Variants in MATN1 observed in about 807,000 individuals in gnomAD.
MATN1 encodes matrilin-1.
Under a neutral mutation model 41.3 loss-of-function variants are expected in MATN1, and 34 were observed. The ratio of observed to expected loss-of-function variants is 0.82; its 90% confidence interval spans 0.63 to 1.10. The LOEUF (loss-of-function observed/expected upper bound fraction) is 1.10. Among genes scored for constraint, MATN1 ranks in the 50% least tolerant of loss-of-function variants. The pLI is 0.00. For synonymous variants in MATN1, 264 were observed against 278.7 expected (o/e 0.95, Z 0.53); for missense variants, 602 against 662.4 (o/e 0.91, Z 1.00).
At chr1:30,715,422 G>T (rs768467855) in intron 5 of MATN1, 113 bp from the exon 6 acceptor site, 10 of 957,074 alleles carry the variant, frequency 1.0e-5, no homozygotes, top group East Asian at 2.5e-5. Flanking sequence ...GCTGGCAGCT[G>T]CTGGAATTGC....
At chr1:30,718,698 GC>G in intron 3 of MATN1, 36 bp downstream of exon 3, 1 of 1,166,352 alleles carries the variant, frequency 8.6e-7, no homozygotes, top group South Asian at 1.4e-5. Flanking sequence ...CCCCTTCTCC[GC>G]CCCTGCCCTG....
At chr1:30,719,530 A>C (rs539940852) in intron 2 of MATN1, 1 of 153,568 alleles carries the variant, frequency 6.5e-6, no homozygotes, top group South Asian at 2.0e-4. Context: ...GGACCAACCC[A>C]AGAAAGATGC....
At chr1:30,713,993 C>T (rs542338242) in intron 7 of MATN1, 1 of 587,086 alleles carries the variant, frequency 1.7e-6, no homozygotes, top group East Asian at 2.8e-5. Flanking sequence ...CAGAGCATGT[C>T]CAGGACTCTG....
Position 30,715,199 on chromosome 1 carries a change from T to C in MATN1, c.1318A>G (p.Ile440Val), listed in dbSNP as rs781387487. 1 of 1,614,242 alleles carries C rather than the reference T, an allele frequency of 6.2e-7. No homozygotes were observed. Among genetic ancestry groups the C allele is most frequent in the Admixed American group, 1.7e-5 (1 of 60,030 alleles). The change falls in exon 6 of 8, where the codon ATC becomes GTC. Residue 440 changes from isoleucine (I) to valine (V), a missense_variant. Coordinates refer to ENST00000373765, the MANE Select transcript of MATN1 (RefSeq NM_002379.3). Reference protein sequence around the residue: ...HYFYTADFKTINQIGKKLQKK... With the variant: ...HYFYTADFKTVNQIGKKLQKK... ...TGCAACTTCTTGCCTATCTGGTTGATGGTCTTGAAGTCAGCCGTGTAGAAG... is the reference window on the plus strand; with the variant it reads ...TGCAACTTCTTGCCTATCTGGTTGACGGTCTTGAAGTCAGCCGTGTAGAAG...
At position 30,715,828 on chromosome 1, in the gene MATN1, C is replaced by T. The variant is rs552973516; in HGVS notation, c.1207+81G>A. ...GTTTAGGGCACTAATCAGACGACAC[C>T]AAGATAAACTACAGTTGGGCTATAC... On this transcript the variant is annotated intron_variant, in intron 5 of 7. Coordinates refer to ENST00000373765, the MANE Select transcript of MATN1 (RefSeq NM_002379.3). The T allele has an allele frequency of 1.5e-5, 22 of 1,437,678 alleles. No individual in the cohort carries two copies. The South Asian group carries it at 2.7e-4, about 17-fold the overall frequency. The allele number at this position is 1,437,678 out of a possible 1,614,324, so 89.1% of individuals were successfully genotyped here. A position where few individuals can be genotyped will look rare whatever the true frequency, so the allele number is the denominator to read the frequency against.
intron 3 of MATN1, 86 bp downstream of exon 3, chr1:30,718,649 T>G: frequency 1.5e-6 from 1 of 677,932 alleles, no homozygotes. Flanking sequence ...CGCCTCAGCC[T>G]CGGTCCCGCC....
At chr1:30,723,383 T>G in intron 1 of MATN1, 75 bp downstream of exon 1, 1 of 1,163,814 alleles carries the variant, frequency 8.6e-7, no homozygotes, top group Non-Finnish European at 1.2e-6. Flanking sequence ...CCCTGCCATA[T>G]CGGTACCCAG....
chr1:30,721,783 A>C (rs1639699434), intron 1 of MATN1, 32 bp from the exon 2 acceptor site: 1 of 1,563,112 alleles, frequency 6.4e-7, no homozygotes, highest in East Asian at 2.2e-5. Flanking sequence ...TAAGGCAGAG[A>C]GCAGAGACAC....
chr1:30,721,258 G>A, intron 2 of MATN1, 147 bp downstream of exon 2: 1 of 783,998 alleles, frequency 1.3e-6, no homozygotes, highest in Non-Finnish European at 2.1e-6. Flanking sequence ...TCTGTCTAAT[G>A]ACCGCCCCTC....
rs1275870973 is a variant in MATN1, at chr1:30,723,506, G to A, written c.46C>T (p.Leu16=). ...GTSLMLCSLL[L]LLQALCSPGL... is the part of the protein sequence containing the mutation. ...GGGCTGCACAGGGCCTGGAGCAGCA[G>A]CAGCAGGCTGCAGAGCATGAGGCTA... The change falls in exon 1 of 8, where the codon CTG becomes TTG. Residue 16 remains leucine (L), a synonymous_variant. Coordinates refer to ENST00000373765, the MANE Select transcript of MATN1 (RefSeq NM_002379.3). The A allele has an allele frequency of 3.9e-6, 6 of 1,534,420 alleles. No individual in the cohort carries two copies. Among genetic ancestry groups the A allele is most frequent in the Non-Finnish European group, 4.4e-6 (5 of 1,139,966 alleles).
Position 30,715,055 on chromosome 1 carries a change from T to C in MATN1, c.1360+102A>G, listed in dbSNP as rs991954151. ...GGTTCTGCCAACTCTTGGTGCCACC[T>C]CGGCCCCTGCTTTTCCCCACCCACA... is the stretch of plus-strand genomic sequence containing the variant. On this transcript the variant is annotated intron_variant, in intron 6 of 7. Coordinates refer to ENST00000373765, the MANE Select transcript of MATN1 (RefSeq NM_002379.3). 11 of 1,426,850 alleles carry C rather than the reference T, an allele frequency of 7.7e-6. No homozygotes were observed. In the Admixed American group the frequency reaches 1.7e-4, roughly 22 times the overall value. The allele number at this position is 1,426,850 out of a possible 1,614,324, so 88.4% of individuals were successfully genotyped here.
chr1:30,716,387 C>T (rs558573810), intron 4 of MATN1, 62 bp from the exon 5 acceptor site: 100 of 1,506,364 alleles, frequency 6.6e-5, no homozygotes, highest in Middle Eastern at 4.0e-4. Context: ...TCCTGCTCCC[C>T]GGCTGGACAC....
intron 2 of MATN1, 112 bp from the exon 3 acceptor site, chr1:30,719,069 C>T (rs1055096573): frequency 3.6e-6 from 3 of 836,032 alleles, no homozygotes; most frequent in Non-Finnish European, 5.1e-6. Flanking sequence ...CACAGCCAGG[C>T]GGCACCCGGG....
chr1:30,716,655 T>A, intron 4 of MATN1, 135 bp downstream of exon 4: 1 of 1,290,192 alleles, frequency 7.8e-7, no homozygotes. Context: ...GATACCAAAC[T>A]CTAAAAGGCA....
In MATN1 at chr1:30,716,231, C is replaced by A; in HGVS notation, c.885G>T (p.Lys295Asn). 6.2e-7 allele frequency: 1 copy of A among 1,614,212 alleles called. No individual in the cohort carries two copies. The highest frequency in any genetic ancestry group is 1.1e-5 in the South Asian group (1 of 91,088). Residue 295 changes from lysine to asparagine, a missense_variant, in exon 5 of 8, where the codon AAG becomes AAT. Transcript: ENST00000373765. ...TATCCACGATCTGACTGATGAACTTCTTCACCAGCTCAAAGTTCTCTGGCC... is the reference window on the plus strand; with the variant it reads ...TATCCACGATCTGACTGATGAACTTATTCACCAGCTCAAAGTTCTCTGGCC... The part of the protein sequence containing the change: ...SVRPENFELV[K>N]KFISQIVDTL...
In MATN1 at chr1:30,714,266, C is replaced by T; in HGVS notation, c.1422G>A (p.Leu474=). The T allele has an allele frequency of 6.2e-7, 1 of 1,609,004 alleles. No homozygotes were observed. Among genetic ancestry groups the T allele is most frequent in the Non-Finnish European group, 8.5e-7 (1 of 1,177,706 alleles). ...GGATATGTTTCCTGGTCAGGGCCTG[C>T]AGCAGCCCCTCCACTTTGGCTTGGA... The part of the protein sequence containing the change: ...VKFQAKVEGL[L]QALTRKLEAV... The change falls in exon 7 of 8, where the codon CTG becomes CTA. Residue 474 remains leucine, a synonymous_variant. Transcript: ENST00000373765.
In MATN1 at chr1:30,713,361, A is replaced by G; in HGVS notation, c.*221T>C. Reference sequence around the variant, plus strand: ...TCACATTCTGGCAAGACTCATGCCCACCCTCAGGCGCACGTGCACACACAC... The same window carrying G: ...TCACATTCTGGCAAGACTCATGCCCGCCCTCAGGCGCACGTGCACACACAC... On this transcript the variant is annotated 3_prime_UTR_variant, in exon 8 of 8. Coordinates refer to ENST00000373765, the MANE Select transcript of MATN1 (RefSeq NM_002379.3). 1.7e-6 allele frequency: 1 copy of G among 579,090 alleles called. No homozygotes were observed. Among genetic ancestry groups the G allele is most frequent in the East Asian group, 2.8e-5 (1 of 35,440 alleles). The allele number at this position is 579,090 out of a possible 1,614,324, so 35.9% of individuals were successfully genotyped here.
At chr1:30,717,114 G>A (rs1170683549) in intron 3 of MATN1, among the ~76,000 whole-genome samples, 199 bp from the exon 4 acceptor site, 4 of 152,224 alleles carry the variant, frequency 2.6e-5, no homozygotes, top group African/African-American at 7.2e-5. Flanking sequence ...CCTGAAGAAG[G>A]TTATAATGCT....
intron 1 of MATN1, among the ~76,000 whole-genome samples, 176 bp downstream of exon 1, chr1:30,723,282 T>C (rs1639718546): frequency 6.6e-6 from 1 of 152,036 alleles, no homozygotes; most frequent in Non-Finnish European, 1.5e-5. Context: ...CCCTGACCCT[T>C]ATAAGCACCA....
Sources: gnomAD v4.1 joint callset for allele counts (sites outside exome capture counted in the v4.1 genomes callset) on GRCh38, gnomAD v4.1.1 for gene constraint, MANE v1.5 for transcripts, NCBI Gene and HGNC (gene_info 2026-07-23, HGNC 2026-07-21) for gene names.